The following ELP6 variants were observed in gnomAD, a reference collection of about 807,000 sequenced individuals.
ELP6 encodes elongator complex protein 6.
ELP6 carries 23 observed loss-of-function variants against 28.1 expected under a neutral mutation model. That is an observed-to-expected ratio of 0.82 (90% confidence interval 0.59 to 1.16). The LOEUF (loss-of-function observed/expected upper bound fraction) is 1.16. ELP6 is among the 50% of genes most tolerant of loss of function. The pLI is 0.00. For missense variants in ELP6, 313 were observed against 334.6 expected (o/e 0.94, Z 0.50); for synonymous variants, 132 against 135.8 (o/e 0.97, Z 0.19).
chr3:47,503,707 G>A (rs1263902488), intron 4 of ELP6, among the ~76,000 whole-genome samples: 3 of 152,030 alleles, frequency 2.0e-5, no homozygotes, highest in African/African-American at 7.2e-5. Flanking sequence ...TCGAGACCAT[G>A]GTGAAACCCC....
At chr3:47,511,984 T>G in intron 1 of ELP6, 1 of 984,546 alleles carries the variant, frequency 1.0e-6, no homozygotes, top group Non-Finnish European at 1.2e-6. Context: ...ACCTTCAGTG[T>G]TACCCCTAGT....
intron 3 of ELP6, among the ~76,000 whole-genome samples, chr3:47,505,719 G>A (rs982291935): frequency 1.3e-5 from 2 of 152,142 alleles, no homozygotes; most frequent in African/African-American, 4.8e-5. Context: ...TTACAAGCAT[G>A]TGCCACCACG....
At chr3:47,497,174 G>A (rs1708500841) in intron 6 of ELP6, 1 of 985,190 alleles carries the variant, frequency 1.0e-6, no homozygotes, top group Admixed American at 6.2e-5. Context: ...AGAGAAGTTT[G>A]AGAAGGCACA....
chr3:47,503,338 T>G (rs1708723845), intron 4 of ELP6: 3 of 1,289,520 alleles, frequency 2.3e-6, no homozygotes, highest in Non-Finnish European at 2.0e-6. Context: ...GCGGGGAGTC[T>G]TCACAGAGCT....
chr3:47,499,822 C>T (rs952578068), intron 5 of ELP6: 6 of 1,151,908 alleles, frequency 5.2e-6, no homozygotes, highest in Non-Finnish European at 6.5e-6. Context: ...GCTGTGGCCC[C>T]AGCTGGACTG....
rs748857770 is a variant in ELP6 at position 47,510,231 on chromosome 3, C to A, written c.157G>T (p.Ala53Ser). 6.2e-7 allele frequency: 1 copy of A among 1,613,758 alleles called. No individual in the cohort carries two copies. The highest frequency in any genetic ancestry group is 1.1e-5 in the South Asian group (1 of 91,042). Residue 53 changes from alanine (A) to serine (S), a missense_variant, in exon 3 of 7, where the codon GCA becomes TCA. Transcript: ENST00000296149. ...LKANCKVCFV[A>S]LIQSFSHYSI... ...TAGTGGCTGAAGGACTGGATGAGTGCCACAAAGCAGACTTTACAATTAGCT... is the reference window on the plus strand; with the variant it reads ...TAGTGGCTGAAGGACTGGATGAGTGACACAAAGCAGACTTTACAATTAGCT...
rs1007954703 is a variant in ELP6, at chr3:47,513,712, C to T, written c.-122G>A. The T allele has an allele frequency of 1.1e-5, 14 of 1,277,398 alleles. No individual in the cohort carries two copies. Among genetic ancestry groups the T allele is most frequent in the Admixed American group, 2.2e-5 (1 of 44,736 alleles). The allele number at this position is 1,277,398 out of a possible 1,614,324, so 79.1% of individuals were successfully genotyped here. On this transcript the variant is annotated 5_prime_UTR_variant, in exon 1 of 7. Coordinates refer to ENST00000296149, the MANE Select transcript of ELP6 (RefSeq NM_001031703.3). The stretch of plus-strand genomic sequence containing the variant: ...GCAAGGAAGCGCGCATGCGCAATGC[C>T]ACTTTTGCGAGCCAGCCACAGCCAA...
chr3:47,501,759 G>C lies in ELP6; in HGVS notation c.416C>G (p.Pro139Arg). ...ACTGAGGTCGTCCACCAACAGCACC[G>C]GGTACGTCCACCGAGCCTCTCCACT... is the stretch of plus-strand genomic sequence containing the variant. ...VDSGEARWTY[P>R]VLLVDDLSVL... The change falls in exon 5 of 7, where the codon CCG (proline) becomes CGG (arginine). Residue 139 changes from proline to arginine, a missense_variant. Transcript: ENST00000296149. The C allele has an allele frequency of 6.2e-7, 1 of 1,608,096 alleles. No homozygotes were observed. The highest frequency in any genetic ancestry group is 8.5e-7 in the Non-Finnish European group (1 of 1,177,744).
At chr3:47,504,179 T>C (rs373291036) in intron 4 of ELP6, 151 bp downstream of exon 4, 23 of 944,846 alleles carry the variant, frequency 2.4e-5, no homozygotes, top group African/African-American at 1.8e-4. Flanking sequence ...GAGCCAGCAT[T>C]TGATGATGCT....
At chr3:47,506,174 C>T (rs11130133) in intron 3 of ELP6, among the ~76,000 whole-genome samples, 78,521 of 151,936 alleles carry the variant, frequency 0.52, 21,801 homozygotes, top group East Asian at 0.71. Flanking sequence ...ACGGAGTGTG[C>T]GAATAGGTGT....
At chr3:47,502,997 T>C (rs992621478) in intron 4 of ELP6, 3 of 989,354 alleles carry the variant, frequency 3.0e-6, no homozygotes, top group African/African-American at 3.5e-5. Context: ...CCCCTGGCCA[T>C]CATTTCTCAG....
Position 47,504,423 on chromosome 3 carries a change from T to G in ELP6, c.230A>C (p.Glu77Ala). 3.1e-6 allele frequency: 5 copies of G among 1,606,902 alleles called. No homozygotes were observed. The highest frequency in any genetic ancestry group is 4.3e-6 in the Non-Finnish European group (5 of 1,176,062). The change falls in exon 4 of 7, where the codon GAG (glutamate) becomes GCG (alanine). Residue 77 changes from glutamate to alanine, a missense_variant. Coordinates refer to ENST00000296149, the MANE Select transcript of ELP6 (RefSeq NM_001031703.3). ...KLGVSLTMAR[E>A]RGQLVFLEGL... ...CTCAAGGAACACAAGCTGCCCACGC[T>G]CCCGCGCCATGGTCAGGCTGACACC... is the stretch of plus-strand genomic sequence containing the variant.
intron 3 of ELP6, among the ~76,000 whole-genome samples, chr3:47,509,229 T>G (rs1708939849): frequency 6.6e-6 from 1 of 152,206 alleles, no homozygotes; most frequent in Admixed American, 6.5e-5. Context: ...CCCAAAGTGC[T>G]GGGATTACAG....
chr3:47,513,674 CAGCCCGGCTCGCGCAAGGA>C lies in ELP6; in HGVS notation c.-103_-85del. On this transcript the variant is annotated 5_prime_UTR_variant, in exon 1 of 7. It introduces an in-frame stop codon into an upstream open reading frame of the 5' UTR. Transcript: ENST00000296149. ...AGGCTGGAGAGCAAAACACACCCGACAGCCCGGCTCGCGCAAGGAAGCGCGCATGCGCAATGCCACTTTT... is the reference window on the plus strand; with the variant it reads ...AGGCTGGAGAGCAAAACACACCCGACAGCGCGCATGCGCAATGCCACTTTT... 2 of 1,556,690 alleles carry C rather than the reference CAGCCCGGCTCGCGCAAGGA, an allele frequency of 1.3e-6. No individual in the cohort carries two copies.
chr3:47,500,204 A>G, intron 5 of ELP6: 1 of 1,107,156 alleles, frequency 9.0e-7, no homozygotes, highest in Non-Finnish European at 1.1e-6. Flanking sequence ...AACAAAATAT[A>G]CCGTGTATTA....
intron 1 of ELP6, chr3:47,513,149 C>G: frequency 1.1e-6 from 1 of 881,948 alleles, no homozygotes; most frequent in Non-Finnish European, 1.4e-6. Flanking sequence ...AGCCACCACG[C>G]CCGGCTAATT....
intron 6 of ELP6, chr3:47,497,117 T>TG: frequency 8.1e-6 from 8 of 982,964 alleles, no homozygotes; most frequent in Non-Finnish European, 8.5e-6. Context: ...GTGCTCAACT[T>TG]GAAGTTAACC....
chr3:47,511,025 T>G (rs769186936), intron 2 of ELP6, 123 bp downstream of exon 2: 10 of 761,448 alleles, frequency 1.3e-5, no homozygotes, highest in Middle Eastern at 5.4e-4. Flanking sequence ...ATAGCCCCCC[T>G]AGGTATCCCA....
At chr3:47,508,980 G>A (rs983523663) in intron 3 of ELP6, among the ~76,000 whole-genome samples, 1 of 152,064 alleles carries the variant, frequency 6.6e-6, no homozygotes, top group Non-Finnish European at 1.5e-5. Flanking sequence ...TAGCCAGGAT[G>A]GTCTCCATCT....
Sources: allele counts gnomAD v4.1 joint callset (sites outside exome capture counted in the v4.1 genomes callset), GRCh38; gene constraint gnomAD v4.1.1; transcripts MANE v1.5; gene names NCBI Gene and HGNC (gene_info 2026-07-23, HGNC 2026-07-21).